The following PDE4B variants were observed in gnomAD, a reference collection of about 807,000 sequenced individuals.
PDE4B encodes phosphodiesterase 4B.
In PDE4B, 20 loss-of-function variants were observed where a neutral mutation model predicts 82.2. That is an observed-to-expected ratio of 0.24 (90% CI 0.17 to 0.35). The LOEUF is 0.35. Among genes scored for constraint, PDE4B ranks in the 10% least tolerant of loss-of-function variants. The pLI is 1.00. For missense variants in PDE4B, 655 were observed against 907.2 expected (o/e 0.72, Z 3.57); for synonymous variants, 320 against 318.9 (o/e 1.00, Z -0.04).
intron 3 of PDE4B, among the ~76,000 whole-genome samples, chr1:66,161,355 A>G (rs1370703136): frequency 6.6e-6 from 1 of 152,138 alleles, no homozygotes; most frequent in East Asian, 1.9e-4. Context: ...AAGGGTGCTA[A>G]GAAATTGTCC....
At chr1:66,331,120 A>C (rs1422552556) in intron 7 of PDE4B, among the ~76,000 whole-genome samples, 1 of 152,214 alleles carries the variant, frequency 6.6e-6, no homozygotes, top group Non-Finnish European at 1.5e-5. Context: ...TTTCTGCTTC[A>C]AGTATTTGCA....
At chr1:66,088,127 A>G (rs1644933898) in intron 3 of PDE4B, among the ~76,000 whole-genome samples, 1 of 152,096 alleles carries the variant, frequency 6.6e-6, no homozygotes, top group South Asian at 2.1e-4. Flanking sequence ...TTGCTAAGTA[A>G]AGGTTAAATG....
intron 3 of PDE4B, among the ~76,000 whole-genome samples, chr1:66,234,017 T>C (rs1459571650): frequency 6.6e-6 from 1 of 152,200 alleles, no homozygotes; most frequent in African/African-American, 2.4e-5. Context: ...CCTGACCTTA[T>C]ACAGTGAGTT....
At chr1:65,923,486 T>C (rs1456346623) in intron 3 of PDE4B, among the ~76,000 whole-genome samples, 1 of 152,216 alleles carries the variant, frequency 6.6e-6, no homozygotes, top group Non-Finnish European at 1.5e-5. Context: ...ACATTAGCAT[T>C]ATTTTTTGCA....
chr1:65,971,167 C>T lies in PDE4B; in HGVS notation c.281+52332C>T, dbSNP rs192382723. Among the ~76,000 whole-genome samples the T allele has an allele frequency of 2.7e-3, 407 of 151,704 alleles. 2 individuals carry two copies. Among genetic ancestry groups the T allele is most frequent in the Non-Finnish European group, 4.4e-3 (298 of 67,918 alleles). On this transcript the variant is annotated intron_variant, in intron 3 of 16. Transcript: ENST00000341517. ...TTAGAGACAGTGAAGCCTGGAGGCACAAAAACTTACATCTTGGCTTCATCA... is the reference window on the plus strand; with the variant it reads ...TTAGAGACAGTGAAGCCTGGAGGCATAAAAACTTACATCTTGGCTTCATCA...
chr1:66,019,277 T>C (rs1010038422), intron 3 of PDE4B, among the ~76,000 whole-genome samples: 7 of 152,018 alleles, frequency 4.6e-5, no homozygotes, highest in Non-Finnish European at 1.0e-4. Flanking sequence ...ATAGTTCACA[T>C]AGAGCTATTT....
chr1:66,233,787 T>A (rs1469013672), intron 3 of PDE4B, among the ~76,000 whole-genome samples: 1 of 152,218 alleles, frequency 6.6e-6, no homozygotes, highest in Non-Finnish European at 1.5e-5. Flanking sequence ...TATGTTGGTT[T>A]GTTTTTCAGT....
At chr1:65,907,108 T>C (rs1369219663) in intron 1 of PDE4B, among the ~76,000 whole-genome samples, 6 of 152,164 alleles carry the variant, frequency 3.9e-5, no homozygotes. Flanking sequence ...CCCCTCAAAT[T>C]TACTTGCTCT....
intron 3 of PDE4B, among the ~76,000 whole-genome samples, chr1:65,999,698 T>C (rs1036591568): frequency 6.6e-6 from 1 of 152,200 alleles, no homozygotes; most frequent in Non-Finnish European, 1.5e-5. Context: ...TTTCATCATC[T>C]GCCATCCCTG....
At chr1:65,799,442 A>G (rs1301312525) in intron 1 of PDE4B, among the ~76,000 whole-genome samples, 1 of 152,214 alleles carries the variant, frequency 6.6e-6, no homozygotes, top group East Asian at 1.9e-4. Context: ...ATTTTTTTAA[A>G]TAAAAATAGG....
chr1:66,293,935 G>A (rs1657300640), intron 7 of PDE4B, among the ~76,000 whole-genome samples: 1 of 152,200 alleles, frequency 6.6e-6, no homozygotes, highest in African/African-American at 2.4e-5. Flanking sequence ...GCCGGACATG[G>A]TGGCTCATGC....
chr1:65,930,601 A>G (rs1647778172), intron 3 of PDE4B, among the ~76,000 whole-genome samples: 1 of 152,224 alleles, frequency 6.6e-6, no homozygotes, highest in Non-Finnish European at 1.5e-5. Context: ...TTGTGGAGCT[A>G]TACAATTTAA....
intron 7 of PDE4B, among the ~76,000 whole-genome samples, chr1:66,285,791 A>G (rs903992766): frequency 6.6e-6 from 1 of 152,156 alleles, no homozygotes; most frequent in Non-Finnish European, 1.5e-5. Context: ...AAAGAGCTGT[A>G]CAATGCTGCA....
chr1:66,364,767 T>C (rs903905969), intron 12 of PDE4B, among the ~76,000 whole-genome samples: 6 of 152,216 alleles, frequency 3.9e-5, no homozygotes, highest in African/African-American at 1.4e-4. Context: ...ATCTATCAAC[T>C]GCTCACTGTT....
Position 65,826,164 on chromosome 1 carries a change from G to GGGAA in PDE4B, c.-71+32917_-71+32920dup, listed in dbSNP as rs137931914. Among the ~76,000 whole-genome samples the GGGAA allele has an allele frequency of 1.6e-3, 247 of 152,236 alleles. 1 individual carries two copies. The Middle Eastern group carries it at 0.02, about 13-fold the overall frequency. ...AAACTTATTGGAAAAGCTGGCTTAT[G>GGGAA]GGAACTAGGTGTATCCATAAATCCT... is the stretch of plus-strand genomic sequence containing the variant. On this transcript the variant is annotated intron_variant, in intron 1 of 16. Coordinates refer to ENST00000341517, the MANE Select transcript of PDE4B (RefSeq NM_002600.4).
chr1:66,157,895 T>C (rs1354682518), intron 3 of PDE4B, among the ~76,000 whole-genome samples: 1 of 152,208 alleles, frequency 6.6e-6, no homozygotes, highest in Admixed American at 6.5e-5. Flanking sequence ...GATCATCTTT[T>C]CATATTTTTT....
chr1:66,073,235 C>T (rs981941213), intron 3 of PDE4B, among the ~76,000 whole-genome samples: 1 of 152,052 alleles, frequency 6.6e-6, no homozygotes, highest in African/African-American at 2.4e-5. Flanking sequence ...ACAATGTCAC[C>T]TAGTACTTAA....
intron 3 of PDE4B, among the ~76,000 whole-genome samples, chr1:65,945,313 A>G (rs1444967899): frequency 6.6e-6 from 1 of 151,966 alleles, no homozygotes; most frequent in African/African-American, 2.4e-5. Context: ...TTTCCTCTAC[A>G]TCACACATCC....
At chr1:66,103,631 AAAAG>A (rs1467290956) in intron 3 of PDE4B, among the ~76,000 whole-genome samples, 1 of 152,146 alleles carries the variant, frequency 6.6e-6, no homozygotes, top group Non-Finnish European at 1.5e-5. Context: ...TCACAGGTAA[AAAAG>A]AAAGCAAATA....
Sources: allele counts gnomAD v4.1 joint callset (sites outside exome capture counted in the v4.1 genomes callset), GRCh38; gene constraint gnomAD v4.1.1; transcripts MANE v1.5; gene names NCBI Gene and HGNC (gene_info 2026-07-23, HGNC 2026-07-21).